The following TRIM71 variants were observed in gnomAD, a reference collection of about 807,000 sequenced individuals.
The protein encoded by TRIM71 is E3 ubiquitin-protein ligase TRIM71.
TRIM71 carries 9 observed loss-of-function variants against 61.2 expected under a neutral mutation model. That is an observed-to-expected ratio of 0.15 (90% CI 0.09 to 0.26). The LOEUF is 0.26. Ranked by LOEUF, TRIM71 falls within the 10% of genes least tolerant of loss-of-function variation. The pLI is 1.00. For missense variants in TRIM71, 998 were observed against 1,238.7 expected, an observed-to-expected ratio of 0.81 and a Z score of 2.92; for synonymous variants, 645 against 553.2, an observed-to-expected ratio of 1.17 and a Z score of -2.33.
At chr3:32,885,014 G>A (rs531358160) in intron 2 of TRIM71, among the ~76,000 whole-genome samples, 2 of 152,190 alleles carry the variant, frequency 1.3e-5, no homozygotes, top group South Asian at 4.2e-4. Context: ...GGGATGACTG[G>A]CCTGGTTTGC....
At chr3:32,824,090 G>A (rs886118976) in intron 1 of TRIM71, among the ~76,000 whole-genome samples, 14 of 152,038 alleles carry the variant, frequency 9.2e-5, no homozygotes, top group Admixed American at 3.9e-4. Flanking sequence ...AAAAAAAAAA[G>A]TGTTTGAAGA....
At position 32,896,673 on chromosome 3, in the gene TRIM71, G is replaced by GGT. The variant is rs1201734871; in HGVS notation, c.*4864_*4865dup. The stretch of plus-strand genomic sequence containing the variant: ...ATCTTACGGGTTAACAAGCCAGCCT[G>GGT]GTGGGATATTTTCCATCATCATTTA... On this transcript the variant is annotated 3_prime_UTR_variant, in exon 4 of 4. Transcript: ENST00000383763. 2 of 152,142 alleles carry GGT rather than the reference G, an allele frequency of 1.3e-5. No individual in the cohort carries two copies. The highest frequency in any genetic ancestry group is 4.8e-5 in the African/African-American group (2 of 41,432). The allele number at this position is 152,142 out of a possible 1,614,324, so 9.4% of individuals were successfully genotyped here.
intron 1 of TRIM71, among the ~76,000 whole-genome samples, chr3:32,823,058 GCAGA>G (rs1157232648): frequency 3.3e-5 from 5 of 152,188 alleles, no homozygotes; most frequent in African/African-American, 1.2e-4. Context: ...TCCTCTGAGT[GCAGA>G]CATCTCACCT....
intron 1 of TRIM71, among the ~76,000 whole-genome samples, chr3:32,845,141 A>AGGT (rs1230021940): frequency 6.7e-6 from 1 of 149,888 alleles, no homozygotes; most frequent in Non-Finnish European, 1.5e-5. Flanking sequence ...GAGGCTTTCC[A>AGGT]GGTACCTGTC....
chr3:32,823,823 C>T (rs989182228), intron 1 of TRIM71, among the ~76,000 whole-genome samples: 2 of 150,798 alleles, frequency 1.3e-5, no homozygotes, highest in East Asian at 2.0e-4. Flanking sequence ...CGTGAGCCAC[C>T]GCGCCTTTGG....
intron 1 of TRIM71, among the ~76,000 whole-genome samples, chr3:32,861,030 C>G (rs1003366945): frequency 6.6e-6 from 1 of 151,746 alleles, no homozygotes; most frequent in Non-Finnish European, 1.5e-5. Flanking sequence ...CAAAAATTAG[C>G]CAGGTGTTGT....
At chr3:32,823,120 T>C (rs1203256145) in intron 1 of TRIM71, among the ~76,000 whole-genome samples, 1 of 152,150 alleles carries the variant, frequency 6.6e-6, no homozygotes, top group Non-Finnish European at 1.5e-5. Context: ...ATTACAGAGG[T>C]TGCTGCTTTG....
At chr3:32,862,585 A>T (rs991542017) in intron 1 of TRIM71, among the ~76,000 whole-genome samples, 1 of 152,266 alleles carries the variant, frequency 6.6e-6, no homozygotes, top group Non-Finnish European at 1.5e-5. Context: ...TCTTGTCCAT[A>T]GCACAACAGA....
At chr3:32,865,793 C>A (rs1422398633) in intron 1 of TRIM71, among the ~76,000 whole-genome samples, 10 of 288 alleles carry the variant, frequency 0.035, 2 homozygotes, top group Non-Finnish European at 0.09. Context: ...CGCCCGCCGG[C>A]CCCCCCCCCC....
chr3:32,884,254 A>G (rs1378815305), intron 2 of TRIM71, among the ~76,000 whole-genome samples: 1 of 152,058 alleles, frequency 6.6e-6, no homozygotes, highest in Non-Finnish European at 1.5e-5. Context: ...CCTGGCTTCC[A>G]TGGGTGTTTT....
At chr3:32,847,023 G>C (rs1215393083) in intron 1 of TRIM71, among the ~76,000 whole-genome samples, 1 of 152,052 alleles carries the variant, frequency 6.6e-6, no homozygotes, top group Non-Finnish European at 1.5e-5. Context: ...GGGATTGCTG[G>C]ATCATGTGGA....
chr3:32,833,674 ATTTT>A (rs1422570350), intron 1 of TRIM71, among the ~76,000 whole-genome samples: 4 of 144,148 alleles, frequency 2.8e-5, no homozygotes, highest in Non-Finnish European at 6.0e-5. Context: ...TTATTTATTT[ATTTT>A]ATTTTTGGCT....
chr3:32,886,352 A>AG (rs1696961792), intron 3 of TRIM71, among the ~76,000 whole-genome samples: 1 of 152,224 alleles, frequency 6.6e-6, no homozygotes, highest in African/African-American at 2.4e-5. Context: ...AGGCTAAAGA[A>AG]GGGAGCATAG....
At chr3:32,847,056 G>GT in intron 1 of TRIM71, among the ~76,000 whole-genome samples, 2 of 152,200 alleles carry the variant, frequency 1.3e-5, no homozygotes, top group South Asian at 4.2e-4. Context: ...GTTTTGTTTT[G>GT]TTTGAGTTTC....
chr3:32,818,684 T>C lies in TRIM71; in HGVS notation c.604T>C (p.Cys202Arg). ...CCGCCGTCCTCACGGCTGCAGCTCG[T>C]GCGATGAGGGCAACGCAGCTTCTTC... is the stretch of plus-strand genomic sequence containing the variant. ...LLRRPHGCSS[C>R]DEGNAASSRC... is the part of the protein sequence containing the mutation. The change falls in exon 1 of 4, where the codon TGC becomes CGC. Residue 202 changes from cysteine (C) to arginine (R), a missense_variant. Coordinates refer to ENST00000383763, the MANE Select transcript of TRIM71 (RefSeq NM_001039111.3). 6.4e-7 allele frequency: 1 copy of C among 1,563,216 alleles called. No individual in the cohort carries two copies. The highest frequency in any genetic ancestry group is 8.6e-7 in the Non-Finnish European group (1 of 1,162,880).
chr3:32,837,043 T>TA (rs1559539456), intron 1 of TRIM71, among the ~76,000 whole-genome samples: 1 of 152,120 alleles, frequency 6.6e-6, no homozygotes, highest in Non-Finnish European at 1.5e-5. Context: ...ATTTTTAAAT[T>TA]ACAAAAGAAA....
At chr3:32,855,270 G>T (rs1696582933) in intron 1 of TRIM71, among the ~76,000 whole-genome samples, 1 of 152,022 alleles carries the variant, frequency 6.6e-6, no homozygotes, top group Admixed American at 6.6e-5. Flanking sequence ...GGGCTTTGAG[G>T]AAAGTTAAGT....
intron 1 of TRIM71, among the ~76,000 whole-genome samples, chr3:32,838,450 C>G (rs1350702654): frequency 6.6e-6 from 1 of 151,320 alleles, no homozygotes; most frequent in Non-Finnish European, 1.5e-5. Flanking sequence ...TCTCGAACTC[C>G]TGACTCAAGT....
Position 32,818,225 on chromosome 3 carries a change from C to T in TRIM71, c.145C>T (p.Pro49Ser). 3.3e-6 allele frequency: 5 copies of T among 1,520,132 alleles called. No individual in the cohort carries two copies. The highest frequency in any genetic ancestry group is 4.4e-6 in the Non-Finnish European group (5 of 1,143,432). The allele number at this position is 1,520,132 out of a possible 1,614,324, so 94.2% of individuals were successfully genotyped here. The change falls in exon 1 of 4, where the codon CCT becomes TCT. Residue 49 changes from proline to serine, a missense_variant. Pro to Ser is a moderately conservative substitution (Grantham distance 74, BLOSUM62 -1). Coordinates refer to ENST00000383763, the MANE Select transcript of TRIM71 (RefSeq NM_001039111.3). Reference protein sequence around the residue: ...STSSGGGGGGPGAAARRLHVL... With the variant: ...STSSGGGGGGSGAAARRLHVL... ...GTCGTCGGGGGGCGGCGGCGGGGGCCCTGGGGCGGCGGCGCGCCGCCTACA... is the reference window on the plus strand; with the variant it reads ...GTCGTCGGGGGGCGGCGGCGGGGGCTCTGGGGCGGCGGCGCGCCGCCTACA...
Sources: allele counts gnomAD v4.1 joint callset (sites outside exome capture counted in the v4.1 genomes callset), GRCh38; gene constraint gnomAD v4.1.1; transcripts MANE v1.5; gene names NCBI Gene and HGNC (gene_info 2026-07-23, HGNC 2026-07-21).